Variants in CDK6 observed in about 807,000 individuals in gnomAD.
CDK6 encodes cyclin-dependent kinase 6.
A neutral mutation model predicts 37.1 loss-of-function variants in CDK6; 6 were observed. The ratio of observed to expected loss-of-function variants is 0.16; its 90% CI spans 0.09 to 0.32. The LOEUF is 0.32. Ranked by LOEUF, CDK6 falls within the 10% of genes least tolerant of loss-of-function variation. The probability of loss-of-function intolerance (pLI) is 1.00; values close to 1 mark genes in which losing one functional copy is unlikely to be tolerated. For synonymous variants in CDK6, 160 were observed against 161.3 expected, an observed-to-expected ratio of 0.99 and a Z score of 0.06; for missense variants, 224 against 418.9, an observed-to-expected ratio of 0.53 and a Z score of 4.06.
At position 92,834,487 on chromosome 7, in the gene CDK6, C is replaced by T. The variant is rs1801590561; in HGVS notation, c.-367-797G>A. Among the ~76,000 whole-genome samples the T allele has an allele frequency of 7.2e-6, 1 of 139,046 alleles. No homozygotes were observed. The highest frequency in any genetic ancestry group is 7.3e-5 in the Admixed American group (1 of 13,638). 91.2% of individuals were successfully genotyped at this position (139,046 alleles called of 152,430 possible). ...TTGGGGCTTATCGGGGGTGGGCGAG[C>T]GAGCGGTCCTGGGGGAGGGGAGACA... On this transcript the variant is annotated intron_variant, in intron 1 of 7. Coordinates refer to ENST00000424848, the MANE Select transcript of CDK6 (RefSeq NM_001145306.2). The surrounding 1 kb of genome is among the most constrained non-coding windows in gnomAD (Gnocchi z 4.6).
rs1795580039 is a variant in CDK6 at position 92,612,361 on chromosome 7, A to G, written c.*2779T>C. On this transcript the variant is annotated 3_prime_UTR_variant, in exon 8 of 8. Coordinates refer to ENST00000424848, the MANE Select transcript of CDK6 (RefSeq NM_001145306.2). ...TTTTGGCAAAGATGTTTGAAACCAT[A>G]TGTTACAGAAGAATAAGCTGTAGTC... 4.3e-6 allele frequency: 1 copy of G among 233,248 alleles called. No homozygotes were observed. Among genetic ancestry groups the G allele is most frequent in the African/African-American group, 2.2e-5 (1 of 45,488 alleles). 14.4% of individuals were successfully genotyped at this position (233,248 alleles called of 1,614,324 possible). A position where few individuals can be genotyped will look rare whatever the true frequency, so the allele number is the denominator to read the frequency against.
chr7:92,659,772 T>C (rs1013001032), intron 5 of CDK6, among the ~76,000 whole-genome samples: 1 of 152,142 alleles, frequency 6.6e-6, no homozygotes, highest in Admixed American at 6.5e-5. Flanking sequence ...ATTAGTCATA[T>C]TAGACATAGT....
intron 3 of CDK6, among the ~76,000 whole-genome samples, chr7:92,737,059 G>T (rs1798806165): frequency 6.6e-6 from 1 of 152,094 alleles, no homozygotes; most frequent in Admixed American, 6.6e-5. Context: ...CTGTAAAATG[G>T]GGACAACACT....
At chr7:92,670,459 A>G (rs1797048495) in intron 5 of CDK6, among the ~76,000 whole-genome samples, 1 of 152,226 alleles carries the variant, frequency 6.6e-6, no homozygotes, top group Non-Finnish European at 1.5e-5. Context: ...TTAAAGATAC[A>G]ATGGGAATAT....
At chr7:92,665,926 G>A (rs1254787118) in intron 5 of CDK6, among the ~76,000 whole-genome samples, 1 of 152,188 alleles carries the variant, frequency 6.6e-6, no homozygotes, top group Non-Finnish European at 1.5e-5. Context: ...CCTTGTGGAA[G>A]GTCTAGTTCA....
chr7:92,666,490 G>A (rs909376671), intron 5 of CDK6, among the ~76,000 whole-genome samples: 14 of 152,162 alleles, frequency 9.2e-5, no homozygotes, highest in African/African-American at 3.1e-4. Flanking sequence ...TGAACTTTCT[G>A]AATAGTTTTA....
intron 3 of CDK6, among the ~76,000 whole-genome samples, chr7:92,758,981 T>G (rs1470403457): frequency 1.3e-5 from 2 of 152,202 alleles, no homozygotes; most frequent in Non-Finnish European, 2.9e-5. Context: ...TTTGGTACAC[T>G]GATTTTATAC....
intron 5 of CDK6, among the ~76,000 whole-genome samples, chr7:92,638,448 G>T (rs936990478): frequency 2.0e-5 from 3 of 152,110 alleles, no homozygotes; most frequent in African/African-American, 7.2e-5. Context: ...CCACTCATTT[G>T]GGAGTTCTGC....
intron 4 of CDK6, among the ~76,000 whole-genome samples, chr7:92,705,871 C>T (rs555806329): frequency 1.3e-5 from 2 of 152,314 alleles, no homozygotes; most frequent in South Asian, 4.1e-4. Flanking sequence ...GAATGTGCTA[C>T]TCAGTTATTA....
chr7:92,706,494 T>C (rs1461982373), intron 4 of CDK6, among the ~76,000 whole-genome samples: 1 of 152,354 alleles, frequency 6.6e-6, no homozygotes, highest in African/African-American at 2.4e-5. Flanking sequence ...TTCCACTCTA[T>C]AGAGATTAAA....
At chr7:92,636,879 G>T (rs1452869839) in intron 5 of CDK6, among the ~76,000 whole-genome samples, 1 of 152,090 alleles carries the variant, frequency 6.6e-6, no homozygotes, top group African/African-American at 2.4e-5. Flanking sequence ...TAGCCAGGCT[G>T]GTCTCGAACT....
Position 92,607,476 on chromosome 7 carries a change from AC to A in CDK6, c.*7663del. On this transcript the variant is annotated 3_prime_UTR_variant, in exon 8 of 8. Coordinates refer to ENST00000424848, the MANE Select transcript of CDK6 (RefSeq NM_001145306.2). ...TTACATAATGATAAAACACCTAGAT[AC>A]CCAAAATACTACATCTATATATTCA... 4.3e-6 allele frequency: 1 copy of A among 232,992 alleles called. No homozygotes were observed. The allele number at this position is 232,992 out of a possible 1,614,324, so 14.4% of individuals were successfully genotyped here.
chr7:92,758,327 G>A lies in CDK6; in HGVS notation c.369+16369C>T, dbSNP rs964116236. On this transcript the variant is annotated intron_variant, in intron 3 of 7. Transcript: ENST00000424848. Reference sequence around the variant, plus strand: ...TTTTTGTATATGATGTAAAGAAGGGGTATAGTTTCAATCTTCTGCATATGG... The same window carrying A: ...TTTTTGTATATGATGTAAAGAAGGGATATAGTTTCAATCTTCTGCATATGG... Among the ~76,000 whole-genome samples the A allele has an allele frequency of 5.9e-5, 9 of 152,254 alleles. No homozygotes were observed. In the East Asian group the frequency reaches 1.7e-3, roughly 29 times the overall value.
At chr7:92,791,262 G>GCAGTGTT (rs1800276009) in intron 2 of CDK6, among the ~76,000 whole-genome samples, 1 of 152,116 alleles carries the variant, frequency 6.6e-6, no homozygotes, top group South Asian at 2.1e-4. Context: ...ATGAGATACA[G>GCAGTGTT]CAGTGTTCCC....
chr7:92,618,393 G>A (rs963390753), intron 6 of CDK6, 186 bp from the exon 7 acceptor site: 4 of 548,640 alleles, frequency 7.3e-6, no homozygotes, highest in Non-Finnish European at 1.3e-5. Flanking sequence ...GGCCATGGGG[G>A]AGAGGGTAAT....
chr7:92,659,896 A>G (rs1170674015), intron 5 of CDK6, among the ~76,000 whole-genome samples: 1 of 152,194 alleles, frequency 6.6e-6, no homozygotes, highest in Non-Finnish European at 1.5e-5. Flanking sequence ...TCAGAAGCCC[A>G]ATATAGAAAA....
At chr7:92,780,611 A>C (rs2115812352) in intron 2 of CDK6, among the ~76,000 whole-genome samples, 1 of 152,062 alleles carries the variant, frequency 6.6e-6, no homozygotes, top group South Asian at 2.1e-4. Flanking sequence ...ATACAAAAAA[A>C]TTAGCCGGGC....
intron 4 of CDK6, chr7:92,725,354 T>C (rs558723281): frequency 2.7e-5 from 27 of 981,852 alleles, no homozygotes; most frequent in South Asian, 1.4e-4. Context: ...CAGAAAGCAT[T>C]TGGAAACTTG....
intron 5 of CDK6, 95 bp downstream of exon 5, chr7:92,671,331 C>G (rs1023977522): frequency 1.3e-6 from 1 of 749,448 alleles, no homozygotes; most frequent in East Asian, 2.9e-5. Context: ...CCATCATGAC[C>G]CCTAATGATA....
Sources: gnomAD v4.1 joint callset for allele counts (sites outside exome capture counted in the v4.1 genomes callset) on GRCh38, gnomAD v4.1.1 for gene constraint, Gnocchi (gnomAD v3.1) non-coding constraint, MANE v1.5 for transcripts, NCBI Gene and HGNC (gene_info 2026-07-23, HGNC 2026-07-21) for gene names.